Variants in PABPC4L observed in about 807,000 individuals in gnomAD.
The protein encoded by PABPC4L is poly(A) binding protein cytoplasmic 4 like.
For missense variants in PABPC4L, 452 were observed against 451.4 expected (o/e 1.00, Z -0.01); for synonymous variants, 169 against 164.1 (o/e 1.03, Z -0.23).
At chr4:134,140,098 C>T in the PABPC4L span, among the ~76,000 whole-genome samples, 1 of 151,682 alleles carries the variant, frequency 6.6e-6, no homozygotes, top group Non-Finnish European at 1.5e-5. Context: ...CCCCTGTGGT[C>T]AAAGAATATA....
At chr4:134,015,682 ACAACT>A in the PABPC4L span, among the ~76,000 whole-genome samples, 2 of 152,042 alleles carry the variant, frequency 1.3e-5, no homozygotes, top group Non-Finnish European at 2.9e-5. Context: ...TTACAAAACA[ACAACT>A]CCTTTCCTTC....
chr4:134,066,421 A>C, the PABPC4L span, among the ~76,000 whole-genome samples: 1 of 152,142 alleles, frequency 6.6e-6, no homozygotes, highest in Non-Finnish European at 1.5e-5. Flanking sequence ...GAAGTTGTTT[A>C]TAAAGACCTA....
the PABPC4L span, among the ~76,000 whole-genome samples, chr4:133,996,852 A>G: frequency 1.3e-5 from 2 of 152,086 alleles, no homozygotes; most frequent in Non-Finnish European, 2.9e-5. Context: ...CACAATTTGT[A>G]GGTAATTAAC....
the PABPC4L span, among the ~76,000 whole-genome samples, chr4:134,000,440 C>A: frequency 6.6e-6 from 1 of 152,042 alleles, no homozygotes; most frequent in Non-Finnish European, 1.5e-5. Flanking sequence ...ATTTTAAGTG[C>A]CTCATATTCC....
At chr4:133,948,766 G>A in the PABPC4L span, among the ~76,000 whole-genome samples, 5 of 152,110 alleles carry the variant, frequency 3.3e-5, no homozygotes, top group Non-Finnish European at 5.9e-5. Flanking sequence ...CATAACAGTC[G>A]CTTTTGTTGA....
chr4:133,984,116 C>A, the PABPC4L span, among the ~76,000 whole-genome samples: 1 of 151,554 alleles, frequency 6.6e-6, no homozygotes, highest in Non-Finnish European at 1.5e-5. Flanking sequence ...TCAATTGCAC[C>A]AACAAACACA....
chr4:134,092,431 C>A, the PABPC4L span, among the ~76,000 whole-genome samples: 1 of 151,966 alleles, frequency 6.6e-6, no homozygotes, highest in Non-Finnish European at 1.5e-5. Flanking sequence ...CACCATCACT[C>A]AATAAAACCT....
chr4:134,059,339 A>C, the PABPC4L span, among the ~76,000 whole-genome samples: 5 of 151,272 alleles, frequency 3.3e-5, no homozygotes, highest in African/African-American at 1.2e-4. Context: ...GAAAGAAAAA[A>C]AAAGAAAAAT....
the PABPC4L span, among the ~76,000 whole-genome samples, chr4:133,956,666 G>A: frequency 2.6e-5 from 4 of 152,248 alleles, no homozygotes; most frequent in South Asian, 8.3e-4. Flanking sequence ...TTCTCATGCT[G>A]CTATGAAGAA....
chr4:134,083,753 C>T, the PABPC4L span, among the ~76,000 whole-genome samples: 1 of 152,112 alleles, frequency 6.6e-6, no homozygotes, highest in Non-Finnish European at 1.5e-5. Flanking sequence ...CACTTTTTGA[C>T]AACAGGTCTA....
At chr4:134,029,746 A>G in the PABPC4L span, among the ~76,000 whole-genome samples, 1 of 151,948 alleles carries the variant, frequency 6.6e-6, no homozygotes, top group Non-Finnish European at 1.5e-5. Flanking sequence ...TATATAACAT[A>G]TATATGAAAT....
At chr4:133,952,690 A>C in the PABPC4L span, among the ~76,000 whole-genome samples, 1 of 152,058 alleles carries the variant, frequency 6.6e-6, no homozygotes, top group African/African-American at 2.4e-5. Context: ...TCCTTAACCC[A>C]CACGAGGGGA....
chr4:134,113,563 A>C, the PABPC4L span, among the ~76,000 whole-genome samples: 3 of 151,896 alleles, frequency 2.0e-5, no homozygotes, highest in African/African-American at 7.2e-5. Flanking sequence ...ACACTCTATG[A>C]TGTTTTCACA....
the PABPC4L span, among the ~76,000 whole-genome samples, chr4:134,108,665 A>G: frequency 1.3e-5 from 2 of 151,746 alleles, no homozygotes; most frequent in African/African-American, 4.8e-5. Flanking sequence ...CCATGTGTGA[A>G]TTTTGATGTT....
At chr4:134,135,638 C>A in the PABPC4L span, among the ~76,000 whole-genome samples, 5 of 151,974 alleles carry the variant, frequency 3.3e-5, no homozygotes, top group Non-Finnish European at 7.4e-5. Context: ...TTGAGACCAG[C>A]CTGACCAACA....
the PABPC4L span, among the ~76,000 whole-genome samples, chr4:133,957,923 G>T: frequency 1.4e-4 from 22 of 152,330 alleles, no homozygotes; most frequent in Non-Finnish European, 2.2e-4. Flanking sequence ...AGGGGGCCCT[G>T]TGCCCAGCCT....
the PABPC4L span, among the ~76,000 whole-genome samples, chr4:133,955,203 G>A: frequency 1.3e-5 from 2 of 151,774 alleles, no homozygotes; most frequent in Admixed American, 1.3e-4. Context: ...GTTTACTCAT[G>A]GCATACTACA....
chr4:134,035,395 T>C, the PABPC4L span, among the ~76,000 whole-genome samples: 4 of 151,608 alleles, frequency 2.6e-5, no homozygotes, highest in African/African-American at 9.7e-5. Flanking sequence ...ATCCTCAACA[T>C]TTAGAACATT....
chr4:134,042,019 T>C, the PABPC4L span, among the ~76,000 whole-genome samples: 9 of 152,134 alleles, frequency 5.9e-5, no homozygotes, highest in Non-Finnish European at 1.0e-4. Flanking sequence ...ACCCAACTGC[T>C]CATCAACAAA....
Sources: allele counts gnomAD v4.1 joint callset (sites outside exome capture counted in the v4.1 genomes callset), GRCh38; gene constraint gnomAD v4.1.1; transcripts MANE v1.5; gene names NCBI Gene and HGNC (gene_info 2026-07-23, HGNC 2026-07-21).